The following AGBL4 variants were observed in gnomAD, a reference collection of about 807,000 sequenced individuals.
AGBL4 encodes AGBL carboxypeptidase 4, also known as cytosolic carboxypeptidase 6.
Under a neutral mutation model 66.4 loss-of-function variants are expected in AGBL4, and 58 were observed. The observed-to-expected ratio is 0.87, with a 90% CI of 0.71 to 1.09. AGBL4 has a LOEUF of 1.09. AGBL4 is among the 50% of genes least tolerant of loss of function. The pLI is 0.00. For synonymous variants in AGBL4, 234 were observed against 222.9 expected (o/e 1.05, Z -0.44); for missense variants, 579 against 631.0 (o/e 0.92, Z 0.88).
At chr1:48,525,211 G>A in the AGBL4 span, among the ~76,000 whole-genome samples, 1 of 152,098 alleles carries the variant, frequency 6.6e-6, no homozygotes, top group Non-Finnish European at 1.5e-5. Context: ...AAGTTGAATT[G>A]GTAAGAGAGC....
In AGBL4 at chr1:49,840,546, AACTGGC is replaced by A. The variant is rs1360733376; in HGVS notation, c.157+10844_157+10849del. The stretch of plus-strand genomic sequence containing the variant: ...AAGCCACTCTCAGCCTAGTACCAAA[AACTGGC>A]ACAGACATGACAAAGAAAGGAAACT... On this transcript the variant is annotated intron_variant, in intron 2 of 13. Coordinates refer to ENST00000371839, the MANE Select transcript of AGBL4 (RefSeq NM_032785.4). Among the ~76,000 whole-genome samples the A allele has an allele frequency of 3.9e-5, 6 of 152,156 alleles. No homozygotes were observed. The East Asian group carries it at 1.2e-3, about 29-fold the overall frequency.
chr1:49,898,150 G>T (rs1018427576), intron 1 of AGBL4, among the ~76,000 whole-genome samples: 1 of 152,082 alleles, frequency 6.6e-6, no homozygotes, highest in East Asian at 1.9e-4. Context: ...CACAGCAAAC[G>T]AAATAATCAA....
intron 1 of AGBL4, among the ~76,000 whole-genome samples, chr1:50,011,916 T>C (rs1661564270): frequency 6.6e-6 from 1 of 152,018 alleles, no homozygotes; most frequent in African/African-American, 2.4e-5. Flanking sequence ...TCCCAGCACT[T>C]TGGGAGGCCG....
intron 1 of AGBL4, among the ~76,000 whole-genome samples, chr1:49,864,343 C>T (rs191389238): frequency 6.6e-6 from 1 of 152,240 alleles, no homozygotes; most frequent in East Asian, 1.9e-4. Flanking sequence ...ATATGACCTA[C>T]TATTTGATAG....
At chr1:48,723,052 C>G (rs1185293606) in intron 6 of AGBL4, among the ~76,000 whole-genome samples, 1 of 152,052 alleles carries the variant, frequency 6.6e-6, no homozygotes, top group African/African-American at 2.4e-5. Flanking sequence ...GTGGAAGAAA[C>G]AGGATTTGAA....
chr1:49,514,419 C>T (rs1053600971), intron 3 of AGBL4, among the ~76,000 whole-genome samples: 2 of 151,976 alleles, frequency 1.3e-5, no homozygotes, highest in Non-Finnish European at 2.9e-5. Context: ...ATTCCATGCT[C>T]ATGGGTAGGA....
At chr1:49,105,990 G>A (rs1007451015) in intron 4 of AGBL4, among the ~76,000 whole-genome samples, 4 of 152,206 alleles carry the variant, frequency 2.6e-5, no homozygotes, top group African/African-American at 9.6e-5. Context: ...GGAAGAAGGA[G>A]CTAATATCAT....
intron 3 of AGBL4, among the ~76,000 whole-genome samples, chr1:49,426,637 G>T (rs1645666390): frequency 6.6e-6 from 1 of 151,804 alleles, no homozygotes; most frequent in African/African-American, 2.4e-5. Flanking sequence ...TTCTGTGCCT[G>T]CCCCAGTGCA....
At chr1:49,065,481 G>C (rs150847501) in intron 4 of AGBL4, among the ~76,000 whole-genome samples, 59 of 152,356 alleles carry the variant, frequency 3.9e-4, no homozygotes, top group Middle Eastern at 3.4e-3. Flanking sequence ...GAGCACTGCA[G>C]CTGAAGCATA....
intron 5 of AGBL4, among the ~76,000 whole-genome samples, chr1:48,884,607 A>C (rs376686294): frequency 6.6e-6 from 1 of 152,214 alleles, no homozygotes; most frequent in Non-Finnish European, 1.5e-5. Flanking sequence ...CATTTGTATC[A>C]TGTTCACAAA....
intron 3 of AGBL4, among the ~76,000 whole-genome samples, chr1:49,379,957 CT>C (rs1261066246): frequency 6.6e-6 from 1 of 152,118 alleles, no homozygotes; most frequent in Non-Finnish European, 1.5e-5. Flanking sequence ...GGGATGCCCT[CT>C]CTCACCACTC....
chr1:48,734,660 G>C (rs1648731339), intron 6 of AGBL4, among the ~76,000 whole-genome samples: 1 of 152,100 alleles, frequency 6.6e-6, no homozygotes, highest in African/African-American at 2.4e-5. Flanking sequence ...TGCCTGATTT[G>C]CCACCCCTCA....
chr1:48,978,773 T>C (rs909844050), intron 5 of AGBL4, among the ~76,000 whole-genome samples: 9 of 152,172 alleles, frequency 5.9e-5, no homozygotes, highest in Admixed American at 4.6e-4. Context: ...CCTAGTCACA[T>C]AGAAATATGT....
intron 5 of AGBL4, among the ~76,000 whole-genome samples, chr1:48,934,020 C>T (rs1433469619): frequency 6.6e-6 from 1 of 152,202 alleles, no homozygotes; most frequent in Non-Finnish European, 1.5e-5. Flanking sequence ...TAGTTAAATG[C>T]TGTTTTGACG....
intron 5 of AGBL4, among the ~76,000 whole-genome samples, chr1:48,935,738 A>T (rs1046340076): frequency 1.3e-5 from 2 of 150,544 alleles, no homozygotes; most frequent in African/African-American, 4.9e-5. Context: ...TGGGCAGATC[A>T]CTTGAGGCCA....
chr1:49,256,688 T>G (rs934404257), intron 3 of AGBL4, among the ~76,000 whole-genome samples: 29 of 152,162 alleles, frequency 1.9e-4, no homozygotes, highest in African/African-American at 7.0e-4. Flanking sequence ...TATATAGGAG[T>G]GCAGAAGGCC....
At chr1:48,909,148 G>C (rs1487221000) in intron 5 of AGBL4, among the ~76,000 whole-genome samples, 1 of 152,120 alleles carries the variant, frequency 6.6e-6, no homozygotes, top group Admixed American at 6.5e-5. Context: ...ATGCTTATTT[G>C]AGTATGCCCA....
chr1:48,828,172 G>A (rs1202726082), intron 6 of AGBL4, among the ~76,000 whole-genome samples: 2 of 149,398 alleles, frequency 1.3e-5, no homozygotes, highest in African/African-American at 4.9e-5. Context: ...CTCCAGCCTG[G>A]GCAACTCCAT....
intron 11 of AGBL4, among the ~76,000 whole-genome samples, chr1:48,558,680 C>T (rs1430439360): frequency 6.6e-6 from 1 of 152,194 alleles, no homozygotes; most frequent in Non-Finnish European, 1.5e-5. Context: ...AATAATGAAG[C>T]CAATGCCCAA....
Sources: gnomAD v4.1 joint callset for allele counts (sites outside exome capture counted in the v4.1 genomes callset) on GRCh38, gnomAD v4.1.1 for gene constraint, MANE v1.5 for transcripts, NCBI Gene and HGNC (gene_info 2026-07-23, HGNC 2026-07-21) for gene names.